FCHSD2: variants seen among roughly 807,000 people sequenced by gnomAD.
The protein encoded by FCHSD2 is FCH and double SH3 domains 2.
Under a neutral mutation model 108.1 loss-of-function variants are expected in FCHSD2, and 38 were observed. The observed-to-expected ratio is 0.35, with a 90% CI of 0.27 to 0.46. FCHSD2 has a LOEUF of 0.46. Ranked by LOEUF, FCHSD2 falls within the 20% of genes least tolerant of loss-of-function variation. The pLI, the probability that FCHSD2 is intolerant of heterozygous loss-of-function variation, is 1.00. For synonymous variants in FCHSD2, 279 were observed against 314.7 expected, an observed-to-expected ratio of 0.89 and a Z score of 1.20; for missense variants, 751 against 897.8, an observed-to-expected ratio of 0.84 and a Z score of 2.09.
At chr11:72,841,061 G>C in intron 18 of FCHSD2, 102 bp from the exon 19 acceptor site, 1 of 830,846 alleles carries the variant, frequency 1.2e-6, no homozygotes, top group Non-Finnish European at 2.0e-6. Flanking sequence ...CCAGCACTTT[G>C]GGATACTGAG....
chr11:72,954,232 G>T (rs1315079999), intron 8 of FCHSD2, among the ~76,000 whole-genome samples: 5 of 127,484 alleles, frequency 3.9e-5, no homozygotes, highest in Admixed American at 9.2e-5. Flanking sequence ...TTGAGACAGG[G>T]TCTCACTCTG....
intron 12 of FCHSD2, among the ~76,000 whole-genome samples, chr11:72,880,176 A>C (rs1354217223): frequency 6.6e-6 from 1 of 152,150 alleles, no homozygotes; most frequent in Non-Finnish European, 1.5e-5. Flanking sequence ...GGAAAACTAC[A>C]AAACACTGAT....
At chr11:72,845,855 C>T (rs1408111281) in intron 14 of FCHSD2, among the ~76,000 whole-genome samples, 1 of 152,080 alleles carries the variant, frequency 6.6e-6, no homozygotes, top group African/African-American at 2.4e-5. Context: ...ACCTTTGAAC[C>T]TCAGTTTTCT....
At chr11:73,132,752 A>C (rs1212724421) in intron 2 of FCHSD2, among the ~76,000 whole-genome samples, 1 of 147,114 alleles carries the variant, frequency 6.8e-6, no homozygotes, top group Admixed American at 7.0e-5. Context: ...TGATCCCAGA[A>C]GGTGGAGATT....
At chr11:72,980,810 G>T (rs1250084716) in intron 8 of FCHSD2, among the ~76,000 whole-genome samples, 1 of 151,522 alleles carries the variant, frequency 6.6e-6, no homozygotes, top group Non-Finnish European at 1.5e-5. Flanking sequence ...AGCTCTTTGA[G>T]GATAAGTAGT....
intron 3 of FCHSD2, among the ~76,000 whole-genome samples, chr11:73,067,954 G>T (rs550977142): frequency 6.6e-6 from 1 of 152,256 alleles, no homozygotes; most frequent in East Asian, 1.9e-4. Flanking sequence ...AATCATGGCA[G>T]AAGGCTAAAG....
chr11:72,915,881 C>A (rs1394076073), intron 9 of FCHSD2, among the ~76,000 whole-genome samples: 1 of 152,074 alleles, frequency 6.6e-6, no homozygotes, highest in Non-Finnish European at 1.5e-5. Flanking sequence ...GAACACTATG[C>A]AGCCATAAAA....
At position 73,108,266 on chromosome 11, in the gene FCHSD2, T is replaced by C. The variant is rs541404256; in HGVS notation, c.120-24526A>G. Among the ~76,000 whole-genome samples, 75 of 152,378 alleles carry C rather than the reference T, an allele frequency of 4.9e-4. 1 individual carries two copies. In the Middle Eastern group the frequency reaches 0.01, roughly 21 times the overall value. On this transcript the variant is annotated intron_variant, in intron 2 of 19. Transcript: ENST00000409418. ...TTAATCAGATTATTAGATCTTTTCC[T>C]ATGAAGTTGTTTAAGCTCATTACAT...
rs1037688270 is a variant in FCHSD2, at chr11:73,106,310, G to T, written c.120-22570C>A. On this transcript the variant is annotated intron_variant, in intron 2 of 19. Transcript: ENST00000409418. ...TATCCCCAGCATTCGGGAGGCTAAGGCAGGAGGATTGCTTGAGCCCATGAA... is the reference window on the plus strand; with the variant it reads ...TATCCCCAGCATTCGGGAGGCTAAGTCAGGAGGATTGCTTGAGCCCATGAA... Among the ~76,000 whole-genome samples, 4 of 151,342 alleles carry T rather than the reference G, an allele frequency of 2.6e-5. No individual in the cohort carries two copies. The South Asian group carries it at 8.3e-4, about 32-fold the overall frequency.
chr11:73,082,358 A>AG (rs1859713662), intron 3 of FCHSD2, among the ~76,000 whole-genome samples: 6 of 149,380 alleles, frequency 4.0e-5, no homozygotes, highest in South Asian at 2.1e-4. Context: ...AAAAAAAAAA[A>AG]AAAAGAAAAG....
intron 3 of FCHSD2, among the ~76,000 whole-genome samples, chr11:73,040,923 A>G (rs866800952): frequency 1.3e-5 from 2 of 151,984 alleles, no homozygotes; most frequent in Admixed American, 6.6e-5. Context: ...TCTACTCTCA[A>G]TCTCCATGAC....
chr11:73,021,515 C>T (rs1214714879), intron 3 of FCHSD2, among the ~76,000 whole-genome samples: 1 of 152,040 alleles, frequency 6.6e-6, no homozygotes, highest in Non-Finnish European at 1.5e-5. Flanking sequence ...GATGAGAACA[C>T]ATGAACACAT....
At chr11:73,009,314 T>C (rs1357935965) in intron 4 of FCHSD2, among the ~76,000 whole-genome samples, 1 of 151,968 alleles carries the variant, frequency 6.6e-6, no homozygotes, top group Non-Finnish European at 1.5e-5. Flanking sequence ...CTGGCCAACA[T>C]GGTGAAACTC....
At chr11:72,895,908 G>A (rs1855407839) in intron 10 of FCHSD2, among the ~76,000 whole-genome samples, 1 of 152,046 alleles carries the variant, frequency 6.6e-6, no homozygotes, top group African/African-American at 2.4e-5. Context: ...AACGCTATAT[G>A]CAATACAAAA....
chr11:72,934,881 G>A (rs978431823), intron 8 of FCHSD2, among the ~76,000 whole-genome samples: 14 of 152,042 alleles, frequency 9.2e-5, no homozygotes, highest in African/African-American at 7.3e-5. Context: ...AGAAACCATG[G>A]GACCTTTGAC....
chr11:73,061,931 G>A (rs1345886323), intron 3 of FCHSD2, among the ~76,000 whole-genome samples: 1 of 152,174 alleles, frequency 6.6e-6, no homozygotes, highest in East Asian at 1.9e-4. Context: ...GAGAGTAGTG[G>A]ACCTCCCAGC....
intron 3 of FCHSD2, among the ~76,000 whole-genome samples, chr11:73,067,553 C>G (rs1204304157): frequency 1.3e-5 from 2 of 152,046 alleles, no homozygotes; most frequent in Non-Finnish European, 2.9e-5. Context: ...CCCTCTGGTT[C>G]AGTGGTAGGT....
intron 2 of FCHSD2, among the ~76,000 whole-genome samples, chr11:73,135,660 C>T (rs1861104772): frequency 1.3e-5 from 2 of 152,152 alleles, no homozygotes; most frequent in Non-Finnish European, 2.9e-5. Context: ...CAACAGGAAA[C>T]ACATCAGTAT....
intron 2 of FCHSD2, among the ~76,000 whole-genome samples, chr11:73,094,278 T>C (rs1860026276): frequency 6.6e-6 from 1 of 151,982 alleles, no homozygotes; most frequent in African/African-American, 2.4e-5. Flanking sequence ...GACTGAACTA[T>C]AGCAATGAGG....
Sources: gnomAD v4.1 joint callset for allele counts (sites outside exome capture counted in the v4.1 genomes callset) on GRCh38, gnomAD v4.1.1 for gene constraint, MANE v1.5 for transcripts, NCBI Gene and HGNC (gene_info 2026-07-23, HGNC 2026-07-21) for gene names.